PLCB4: variants seen among roughly 807,000 people sequenced by gnomAD.
The protein encoded by PLCB4 is phospholipase C beta 4, also known as 1-phosphatidylinositol 4,5-bisphosphate phosphodiesterase beta-4.
A neutral mutation model predicts 178.8 loss-of-function variants in PLCB4; 77 were observed. The observed-to-expected ratio is 0.43, with a 90% CI of 0.36 to 0.52. The LOEUF (loss-of-function observed/expected upper bound fraction) is 0.52. Among genes scored for constraint, PLCB4 ranks in the 20% least tolerant of loss-of-function variants. PLCB4 has a pLI of 0.00. For synonymous variants in PLCB4, 496 were observed against 490.8 expected (o/e 1.01, Z -0.14); for missense variants, 1,024 against 1,453.4 (o/e 0.70, Z 4.80).
At chr20:9,230,748 T>C (rs1295107144) in intron 3 of PLCB4, among the ~76,000 whole-genome samples, 1 of 152,088 alleles carries the variant, frequency 6.6e-6, no homozygotes, top group Non-Finnish European at 1.5e-5. Context: ...TTCTTCTCCA[T>C]GTGTCTCTTG....
rs140792795 is a variant in PLCB4, at chr20:9,414,115, G to T, written c.2051+3027G>T. ...TACCTTCACAGAAAAGGATACTGTTGCTACTTTAGCCTGAATTCTGTGCTG... is the reference window on the plus strand; with the variant it reads ...TACCTTCACAGAAAAGGATACTGTTTCTACTTTAGCCTGAATTCTGTGCTG... On this transcript the variant is annotated intron_variant, in intron 25 of 39. Coordinates refer to ENST00000378473, the MANE Select transcript of PLCB4 (RefSeq NM_001377142.1). Among the ~76,000 whole-genome samples the T allele has an allele frequency of 4.9e-4, 75 of 152,316 alleles. 2 individuals are homozygous for T. The East Asian group carries it at 0.013, about 26-fold the overall frequency.
At chr20:9,475,443 A>T (rs1018157036) in intron 38 of PLCB4, among the ~76,000 whole-genome samples, 4 of 152,162 alleles carry the variant, frequency 2.6e-5, no homozygotes, top group African/African-American at 9.7e-5. Flanking sequence ...TTGTATTGGG[A>T]GGGTGCTGGC....
chr20:9,344,348 TC>T (rs902183331), intron 7 of PLCB4, among the ~76,000 whole-genome samples: 7 of 152,208 alleles, frequency 4.6e-5, no homozygotes, highest in Non-Finnish European at 7.3e-5. Flanking sequence ...TCACTCCTTT[TC>T]CTGCTCTGTG....
chr20:9,281,194 G>T (rs2147692763), intron 3 of PLCB4, among the ~76,000 whole-genome samples: 1 of 152,000 alleles, frequency 6.6e-6, no homozygotes, highest in Non-Finnish European at 1.5e-5. Flanking sequence ...TGTGACTTTG[G>T]AAAGTGATTT....
intron 2 of PLCB4, among the ~76,000 whole-genome samples, chr20:9,137,048 C>A (rs1216788142): frequency 6.6e-6 from 1 of 151,996 alleles, no homozygotes; most frequent in Non-Finnish European, 1.5e-5. Flanking sequence ...GACTCTGTCC[C>A]CCTCCTAGAA....
At chr20:9,212,747 C>T (rs1047896470) in intron 2 of PLCB4, among the ~76,000 whole-genome samples, 1 of 152,092 alleles carries the variant, frequency 6.6e-6, no homozygotes, top group East Asian at 1.9e-4. Context: ...TAAATTTTAT[C>T]ACTTACTGTG....
At chr20:9,468,816 A>G in intron 36 of PLCB4, 144 bp downstream of exon 36, 1 of 554,892 alleles carries the variant, frequency 1.8e-6, no homozygotes, top group Non-Finnish European at 3.2e-6. Flanking sequence ...TTATAACTGC[A>G]ATGGAGATTT....
At chr20:9,106,574 G>C (rs942718337) in intron 2 of PLCB4, among the ~76,000 whole-genome samples, 1 of 151,466 alleles carries the variant, frequency 6.6e-6, no homozygotes, top group Non-Finnish European at 1.5e-5. Context: ...ATGTTCATCA[G>C]ACATAAAATT....
intron 3 of PLCB4, among the ~76,000 whole-genome samples, chr20:9,265,604 T>C (rs2094341847): frequency 6.6e-6 from 1 of 152,202 alleles, no homozygotes; most frequent in Non-Finnish European, 1.5e-5. Context: ...AGTGTTTTCG[T>C]TACCAGTTCT....
chr20:9,403,053 G>A (rs1475778413), intron 20 of PLCB4, among the ~76,000 whole-genome samples: 1 of 152,198 alleles, frequency 6.6e-6, no homozygotes, highest in Non-Finnish European at 1.5e-5. Context: ...GGGTCACTGT[G>A]AAGAGTGGAT....
At chr20:9,232,474 AG>A (rs2093943661) in intron 3 of PLCB4, among the ~76,000 whole-genome samples, 1 of 152,164 alleles carries the variant, frequency 6.6e-6, no homozygotes, top group South Asian at 2.1e-4. Context: ...AACAGTGGGC[AG>A]GAATAAACAA....
intron 4 of PLCB4, among the ~76,000 whole-genome samples, chr20:9,336,383 G>T (rs554373175): frequency 2.6e-5 from 4 of 152,268 alleles, no homozygotes; most frequent in African/African-American, 9.6e-5. Flanking sequence ...CTTGAATTTG[G>T]CTAATATTGC....
chr20:9,170,583 G>T (rs2093048411), intron 2 of PLCB4, among the ~76,000 whole-genome samples: 1 of 152,146 alleles, frequency 6.6e-6, no homozygotes, highest in African/African-American at 2.4e-5. Context: ...TGTGTTTGAG[G>T]ATACAGTAAC....
intron 2 of PLCB4, among the ~76,000 whole-genome samples, chr20:9,120,895 A>G (rs1159374894): frequency 6.6e-6 from 1 of 152,030 alleles, no homozygotes; most frequent in Admixed American, 6.6e-5. Flanking sequence ...TGGTGTTTCC[A>G]CCTGCTCTTG....
intron 8 of PLCB4, among the ~76,000 whole-genome samples, chr20:9,363,312 G>A (rs1049366983): frequency 7.9e-5 from 12 of 152,130 alleles, no homozygotes; most frequent in Non-Finnish European, 1.2e-4. Context: ...TGGAGCCATC[G>A]CTGAGTGCTG....
chr20:9,094,301 G>T (rs2090810528), intron 1 of PLCB4, among the ~76,000 whole-genome samples: 1 of 152,026 alleles, frequency 6.6e-6, no homozygotes, highest in Admixed American at 6.6e-5. Context: ...TTTGGCTTTG[G>T]AATATTGAAA....
chr20:9,402,077 G>A (rs987805214), intron 20 of PLCB4, among the ~76,000 whole-genome samples: 2 of 152,164 alleles, frequency 1.3e-5, no homozygotes, highest in African/African-American at 2.4e-5. Context: ...GTCAGGCATA[G>A]TCTAGGCCAT....
intron 2 of PLCB4, among the ~76,000 whole-genome samples, chr20:9,194,802 G>A (rs955206029): frequency 2.6e-5 from 4 of 151,808 alleles, no homozygotes; most frequent in Non-Finnish European, 4.4e-5. Flanking sequence ...TAATATTTGC[G>A]GTGATTATAA....
intron 2 of PLCB4, among the ~76,000 whole-genome samples, chr20:9,097,189 C>T (rs180714023): frequency 1.3e-5 from 2 of 151,400 alleles, no homozygotes; most frequent in East Asian, 3.9e-4. Context: ...CCTACCCCGG[C>T]CTCCGAAAGT....
Sources: gnomAD v4.1 joint callset for allele counts (sites outside exome capture counted in the v4.1 genomes callset) on GRCh38, gnomAD v4.1.1 for gene constraint, MANE v1.5 for transcripts, NCBI Gene and HGNC (gene_info 2026-07-23, HGNC 2026-07-21) for gene names.